Variants in ROCK1 observed in about 807,000 individuals in gnomAD.
ROCK1 encodes Rho associated coiled-coil containing protein kinase 1.
ROCK1 carries 36 observed loss-of-function variants against 196.8 expected under a neutral mutation model. That is an observed-to-expected ratio of 0.18 (90% CI 0.14 to 0.24). ROCK1 has a LOEUF of 0.24. ROCK1 is among the 10% of genes least tolerant of loss of function. The pLI is 1.00. For missense variants in ROCK1, 920 were observed against 1,562.0 expected (o/e 0.59, Z 6.93); for synonymous variants, 443 against 515.9 (o/e 0.86, Z 1.91).
intron 2 of ROCK1, among the ~76,000 whole-genome samples, chr18:21,069,480 C>T (rs2036365598): frequency 6.6e-6 from 1 of 152,038 alleles, no homozygotes; most frequent in South Asian, 2.1e-4. Context: ...ATTAATGTCT[C>T]TATTTATAAA....
chr18:21,064,085 A>G (rs1033469825), intron 2 of ROCK1, among the ~76,000 whole-genome samples: 50 of 152,214 alleles, frequency 3.3e-4, no homozygotes, highest in African/African-American at 1.1e-3. Context: ...ATTTGAAAAG[A>G]AAAAACAAGC....
At chr18:21,079,423 A>T (rs977934085) in intron 1 of ROCK1, among the ~76,000 whole-genome samples, 1 of 152,200 alleles carries the variant, frequency 6.6e-6, no homozygotes. Context: ...GTTAAATTTC[A>T]GAAAATTTCT....
chr18:21,020,248 TA>T lies in ROCK1; in HGVS notation c.1273-10del. The T allele has an allele frequency of 2.6e-6, 4 of 1,521,830 alleles. No individual in the cohort carries two copies. Among genetic ancestry groups the T allele is most frequent in the Non-Finnish European group, 3.6e-6 (4 of 1,125,712 alleles). The allele number at this position is 1,521,830 out of a possible 1,614,324, so 94.3% of individuals were successfully genotyped here. Reference sequence around the variant, plus strand: ...TTTTGCAAACTTTCCTGCTTTAATTTAAAACAAAAACAAAAACTCATTCTAC... The same window carrying T: ...TTTTGCAAACTTTCCTGCTTTAATTTAAACAAAAACAAAAACTCATTCTAC... On this transcript the variant is annotated splice_polypyrimidine_tract_variant and intron_variant, in intron 11 of 32. Transcript: ENST00000399799.
intron 29 of ROCK1, among the ~76,000 whole-genome samples, chr18:20,957,714 G>A (rs1223693022): frequency 5.9e-5 from 9 of 151,320 alleles, no homozygotes; most frequent in Non-Finnish European, 1.2e-4. Flanking sequence ...ATGAACTCCT[G>A]ACCTCGTGAT....
intron 4 of ROCK1, among the ~76,000 whole-genome samples, chr18:21,046,861 T>A (rs919822594): frequency 6.6e-6 from 1 of 152,122 alleles, no homozygotes; most frequent in Admixed American, 6.5e-5. Context: ...TGATTTTTTG[T>A]TTTTTTGTAG....
At chr18:20,966,387 C>T (rs933993714) in intron 27 of ROCK1, among the ~76,000 whole-genome samples, 2 of 152,138 alleles carry the variant, frequency 1.3e-5, no homozygotes, top group African/African-American at 4.8e-5. Flanking sequence ...TTGACACCCC[C>T]GGCCTCTTAC....
chr18:20,974,295 T>G lies in ROCK1; in HGVS notation c.2655-3782A>C, dbSNP rs182845887. On this transcript the variant is annotated intron_variant, in intron 22 of 32. Coordinates refer to ENST00000399799, the MANE Select transcript of ROCK1 (RefSeq NM_005406.3). Reference sequence around the variant, plus strand: ...TGAAATAATTTTCTTAGGAGAGTAGTAGAGTTAGTACTTTAGGAAAAGAAA... The same window carrying G: ...TGAAATAATTTTCTTAGGAGAGTAGGAGAGTTAGTACTTTAGGAAAAGAAA... Among the ~76,000 whole-genome samples, 41 of 152,278 alleles carry G rather than the reference T, an allele frequency of 2.7e-4. No individual in the cohort carries two copies. The East Asian group carries it at 6.6e-3, about 24-fold the overall frequency.
intron 9 of ROCK1, among the ~76,000 whole-genome samples, chr18:21,036,306 C>T (rs868226900): frequency 6.6e-5 from 10 of 152,212 alleles, no homozygotes; most frequent in African/African-American, 1.7e-4. Context: ...AGTTTTGAGC[C>T]GGCAGAAGTA....
At position 21,014,021 on chromosome 18, in the gene ROCK1, G is replaced by A. The variant is rs188448762; in HGVS notation, c.1410+1410C>T. ...GCGGAGCTTGCAGTGAGCAGAGATC[G>A]CGCCACTGCACTCCAGCCTGGGAAA... On this transcript the variant is annotated intron_variant, in intron 13 of 32. Transcript: ENST00000399799. 1.7e-3 allele frequency among the ~76,000 whole-genome samples: 257 copies of A among 148,308 alleles called. 1 individual carries two copies. Among genetic ancestry groups the A allele is most frequent in the African/African-American group, 6.2e-3 (248 of 39,822 alleles).
At chr18:21,058,780 T>C (rs2036265080) in intron 2 of ROCK1, among the ~76,000 whole-genome samples, 1 of 152,140 alleles carries the variant, frequency 6.6e-6, no homozygotes, top group Non-Finnish European at 1.5e-5. Flanking sequence ...AGTTTTGCCA[T>C]GTTGCCCAGG....
chr18:21,086,072 CAT>C (rs2036524368), intron 1 of ROCK1, among the ~76,000 whole-genome samples: 1 of 151,494 alleles, frequency 6.6e-6, no homozygotes, highest in African/African-American at 2.4e-5. Context: ...AAAATAAATA[CAT>C]GTCATACATT....
rs1210646278 is a variant in ROCK1, at chr18:20,951,023, G to C, written c.*361C>G. ...CTTGATAGTGATGGCTGTTCCACTT[G>C]AAAGTGAAAGTCCCTTCCTCTTACT... On this transcript the variant is annotated 3_prime_UTR_variant, in exon 33 of 33. Coordinates refer to ENST00000399799, the MANE Select transcript of ROCK1 (RefSeq NM_005406.3). 9 of 189,926 alleles carry C rather than the reference G, an allele frequency of 4.7e-5. 1 individual carries two copies. Among genetic ancestry groups the C allele is most frequent in the Admixed American group, 3.6e-4 (6 of 16,498 alleles). The allele number at this position is 189,926 out of a possible 1,614,324, so 11.8% of individuals were successfully genotyped here.
rs549421243 is a variant in ROCK1, at chr18:21,002,907, A to C, written c.1885+3444T>G. Reference sequence around the variant, plus strand: ...AGGTGCATGCCACCATACCTCGCTAATTTTTTATTTTTTGTAGAGATGAGG... The same window carrying C: ...AGGTGCATGCCACCATACCTCGCTACTTTTTTATTTTTTGTAGAGATGAGG... On this transcript the variant is annotated intron_variant, in intron 16 of 32. Transcript: ENST00000399799. 7.9e-5 allele frequency among the ~76,000 whole-genome samples: 12 copies of C among 151,940 alleles called. 1 individual carries two copies. The South Asian group carries it at 1.3e-3, about 16-fold the overall frequency.
intron 16 of ROCK1, among the ~76,000 whole-genome samples, chr18:20,993,883 T>A (rs752125208): frequency 8.5e-5 from 13 of 152,222 alleles, no homozygotes; most frequent in Non-Finnish European, 1.8e-4. Context: ...TCATATTTTG[T>A]AATTCAAAGT....
intron 12 of ROCK1, among the ~76,000 whole-genome samples, chr18:21,017,930 G>A (rs1034855837): frequency 3.3e-5 from 5 of 151,010 alleles, no homozygotes; most frequent in Admixed American, 2.6e-4. Context: ...CTGAGATCAC[G>A]GCACTGCACT....
intron 29 of ROCK1, among the ~76,000 whole-genome samples, chr18:20,958,274 C>T (rs1230768572): frequency 1.3e-5 from 2 of 151,988 alleles, no homozygotes; most frequent in African/African-American, 4.8e-5. Flanking sequence ...ATTCTTTTCA[C>T]ATTCTAACTA....
At chr18:21,107,871 T>C (rs1026394738) in intron 1 of ROCK1, among the ~76,000 whole-genome samples, 2 of 152,062 alleles carry the variant, frequency 1.3e-5, no homozygotes, top group Non-Finnish European at 2.9e-5. Context: ...CTGGCCAACA[T>C]GGTGAAACCC....
chr18:20,982,180 G>A (rs1306288521), intron 21 of ROCK1, among the ~76,000 whole-genome samples: 1 of 152,224 alleles, frequency 6.6e-6, no homozygotes, highest in African/African-American at 2.4e-5. Flanking sequence ...CGATCACTTT[G>A]CAGAAGTTAG....
At chr18:21,046,792 T>A (rs7234154) in intron 4 of ROCK1, among the ~76,000 whole-genome samples, 1,548 of 151,904 alleles carry the variant, frequency 0.01, 20 homozygotes, top group African/African-American at 0.036. Flanking sequence ...ATCTTCTTAA[T>A]GTTTCATTTT....
Sources: allele counts gnomAD v4.1 joint callset (sites outside exome capture counted in the v4.1 genomes callset), GRCh38; gene constraint gnomAD v4.1.1; transcripts MANE v1.5; gene names NCBI Gene and HGNC (gene_info 2026-07-23, HGNC 2026-07-21).